GREB1L: variants seen among roughly 807,000 people sequenced by gnomAD.
The protein encoded by GREB1L is GREB1 like retinoic acid receptor coactivator, also known as GREB1-like protein.
Under a neutral mutation model 200.8 loss-of-function variants are expected in GREB1L, and 17 were observed. The observed-to-expected ratio is 0.08, with a 90% CI of 0.06 to 0.13. The LOEUF is 0.13. Among genes scored for constraint, GREB1L ranks in the 10% least tolerant of loss-of-function variants. GREB1L has a pLI of 1.00. For synonymous variants in GREB1L, 789 were observed against 893.0 expected (o/e 0.88, Z 2.08); for missense variants, 1,657 against 2,367.7 (o/e 0.70, Z 6.23).
intron 16 of GREB1L, among the ~76,000 whole-genome samples, chr18:21,475,736 G>A (rs564543294): frequency 7.6e-4 from 115 of 152,006 alleles, no homozygotes; most frequent in Admixed American, 1.7e-3. Context: ...AGAAGCCAAG[G>A]TGGGTGGATT....
intron 1 of GREB1L, among the ~76,000 whole-genome samples, chr18:21,249,974 A>G (rs2037675282): frequency 6.6e-6 from 1 of 152,216 alleles, no homozygotes; most frequent in African/African-American, 2.4e-5. Context: ...CCAGAGAGAA[A>G]AGTAGAGCAG....
At chr18:21,441,592 TC>T in intron 10 of GREB1L, 55 bp downstream of exon 10, 1 of 1,459,178 alleles carries the variant, frequency 6.9e-7, no homozygotes. Flanking sequence ...GGAGTGTTTT[TC>T]CATTTCATTG....
chr18:21,352,947 C>T (rs1214188418), intron 1 of GREB1L, among the ~76,000 whole-genome samples: 7 of 151,564 alleles, frequency 4.6e-5, no homozygotes, highest in Admixed American at 3.3e-4. Context: ...TTTGGGAGGC[C>T]GAGGTGGGCG....
chr18:21,279,146 C>T (rs1340432530), intron 1 of GREB1L, among the ~76,000 whole-genome samples: 2 of 152,044 alleles, frequency 1.3e-5, no homozygotes, highest in Admixed American at 6.6e-5. Context: ...GAAAAGATTA[C>T]ATTTTAGAAA....
chr18:21,513,337 A>G lies in GREB1L; in HGVS notation c.4736-484A>G, dbSNP rs77692215. 5.9e-3 allele frequency among the ~76,000 whole-genome samples: 906 copies of G among 152,330 alleles called. 7 individuals are homozygous for G. The highest frequency in any genetic ancestry group is 8.2e-3 in the Non-Finnish European group (557 of 68,028). On this transcript the variant is annotated intron_variant, in intron 27 of 32. Transcript: ENST00000424526. ...TCAGTTTCCTTGAAGTATCTAAAGC[A>G]GGGGACATATCAGTGGAATTGGCAT...
intron 7 of GREB1L, among the ~76,000 whole-genome samples, chr18:21,432,872 A>G (rs2033269236): frequency 1.3e-5 from 2 of 151,778 alleles, no homozygotes; most frequent in African/African-American, 4.8e-5. Flanking sequence ...ACACCCGGCT[A>G]ATTTTTGTAT....
intron 1 of GREB1L, among the ~76,000 whole-genome samples, chr18:21,313,163 A>ATTTTT (rs2038818208): frequency 6.6e-6 from 1 of 151,070 alleles, no homozygotes; most frequent in Non-Finnish European, 1.5e-5. Flanking sequence ...ATATTTTTTA[A>ATTTTT]AATATTAAAA....
rs1318283766 is a variant in GREB1L at position 21,463,007 on chromosome 18, G to A, written c.2182+8444G>A. ...GTTGTTAATGTGACATATCCTATGG[G>A]GAAAAAGATTGGAAAGAAATCTTGA... On this transcript the variant is annotated intron_variant, in intron 15 of 32. Coordinates refer to ENST00000424526, the MANE Select transcript of GREB1L (RefSeq NM_001142966.3). Among the ~76,000 whole-genome samples, 3 of 151,998 alleles carry A rather than the reference G, an allele frequency of 2.0e-5. No individual in the cohort carries two copies. In the East Asian group the frequency reaches 5.8e-4, roughly 29 times the overall value.
chr18:21,490,430 G>A (rs2145852232), intron 19 of GREB1L, 79 bp downstream of exon 19: 3 of 1,224,062 alleles, frequency 2.5e-6, no homozygotes, highest in African/African-American at 1.5e-5. Context: ...GTGGCTCAGG[G>A]GCCTGAGTTT....
intron 7 of GREB1L, among the ~76,000 whole-genome samples, chr18:21,411,906 G>T (rs374533861): frequency 4.0e-5 from 6 of 151,750 alleles, no homozygotes; most frequent in African/African-American, 1.5e-4. Flanking sequence ...TTAGCCGGGC[G>T]CAGTGGTGGG....
At chr18:21,347,482 A>C (rs2039364960) in intron 1 of GREB1L, among the ~76,000 whole-genome samples, 1 of 150,246 alleles carries the variant, frequency 6.7e-6, no homozygotes, top group Admixed American at 6.6e-5. Flanking sequence ...TTGAGACAGA[A>C]TCTTGCTTTG....
intron 1 of GREB1L, among the ~76,000 whole-genome samples, chr18:21,296,392 A>C (rs970014673): frequency 5.9e-5 from 9 of 152,146 alleles, no homozygotes; most frequent in African/African-American, 2.2e-4. Flanking sequence ...GTACACACAG[A>C]CATAAAGATG....
chr18:21,300,084 A>G, intron 1 of GREB1L, among the ~76,000 whole-genome samples: 1 of 152,152 alleles, frequency 6.6e-6, no homozygotes, highest in East Asian at 1.9e-4. Context: ...ATGGTATAAT[A>G]ACATTTATAA....
At chr18:21,502,229 C>T (rs916707243) in intron 23 of GREB1L, among the ~76,000 whole-genome samples, 12 of 148,768 alleles carry the variant, frequency 8.1e-5, no homozygotes, top group Admixed American at 4.7e-4. Flanking sequence ...CCAGCCTGGA[C>T]GACAGAGCGA....
At position 21,526,016 on chromosome 18, in the gene GREB1L, G is replaced by C. The variant is rs918533862; in HGVS notation, c.*3195G>C. 6.6e-6 allele frequency among the ~76,000 whole-genome samples: 1 copy of C among 152,026 alleles called. No homozygotes were observed. The highest frequency in any genetic ancestry group is 1.5e-5 in the Non-Finnish European group (1 of 67,992). ...CATTCCAAAGCAGCTGCCTTGAAAA[G>C]ACTATTAATTAACTGTGAAACTGAC... On this transcript the variant is annotated 3_prime_UTR_variant, in exon 33 of 33. Coordinates refer to ENST00000424526, the MANE Select transcript of GREB1L (RefSeq NM_001142966.3).
In GREB1L at chr18:21,496,574, T is replaced by G; in HGVS notation, c.3267T>G (p.Thr1089=). The G allele has an allele frequency of 6.4e-7, 1 of 1,551,754 alleles. No homozygotes were observed. The highest frequency in any genetic ancestry group is 1.2e-5 in the South Asian group (1 of 84,062). ...CAAAAGAGGTCATCCGGGGACCCACTGTTGCCCTGGACCTCAGCGGGAAGG... is the reference window on the plus strand; with the variant it reads ...CAAAAGAGGTCATCCGGGGACCCACGGTTGCCCTGGACCTCAGCGGGAAGG... ...YVSKEVIRGP[T]VALDLSGKEQ... is the part of the protein sequence containing the mutation. The change falls in exon 21 of 33, where the codon ACT becomes ACG. Residue 1089 remains threonine (T), a synonymous_variant. Transcript: ENST00000424526.
chr18:21,251,869 G>A (rs1270821943), intron 1 of GREB1L, among the ~76,000 whole-genome samples: 2 of 149,326 alleles, frequency 1.3e-5, no homozygotes, highest in East Asian at 2.0e-4. Flanking sequence ...CGCTTGAACC[G>A]AGGAGGCAGA....
At position 21,386,229 on chromosome 18, in the gene GREB1L, A is replaced by G. The variant is rs150967007; in HGVS notation, c.355+1826A>G. On this transcript the variant is annotated intron_variant, in intron 4 of 32. Transcript: ENST00000424526. ...GTCCATTTTTTTCCCGTTTTAATTC[A>G]CCTTGGGGGAAGGCATTTAAAACAC... Among the ~76,000 whole-genome samples the G allele has an allele frequency of 2.1e-3, 312 of 152,186 alleles. 10 individuals carry two copies. In the East Asian group the frequency reaches 0.049, roughly 24 times the overall value.
At chr18:21,379,859 G>A (rs746972887) in intron 2 of GREB1L, among the ~76,000 whole-genome samples, 1 of 152,106 alleles carries the variant, frequency 6.6e-6, no homozygotes. Context: ...TTGTACTGGT[G>A]GGGAGTCTTA....
Sources: allele counts gnomAD v4.1 joint callset (sites outside exome capture counted in the v4.1 genomes callset), GRCh38; gene constraint gnomAD v4.1.1; transcripts MANE v1.5; gene names NCBI Gene and HGNC (gene_info 2026-07-23, HGNC 2026-07-21).